The following FAM171A1 variants were observed in gnomAD, a reference collection of about 807,000 sequenced individuals.
The protein encoded by FAM171A1 is family with sequence similarity 171 member A1, also known as protein FAM171A1.
A neutral mutation model predicts 74.9 loss-of-function variants in FAM171A1; 23 were observed. That is an observed-to-expected ratio of 0.31 (90% confidence interval 0.22 to 0.44). FAM171A1 has a LOEUF of 0.44. Among genes scored for constraint, FAM171A1 ranks in the 20% least tolerant of loss-of-function variants. The pLI, the probability that FAM171A1 is intolerant of heterozygous loss-of-function variation, is 1.00. For synonymous variants in FAM171A1, 527 were observed against 505.7 expected (o/e 1.04, Z -0.57); for missense variants, 1,162 against 1,159.2 (o/e 1.00, Z -0.03).
chr10:15,365,629 G>C (rs1456213315), intron 1 of FAM171A1, among the ~76,000 whole-genome samples: 2 of 152,052 alleles, frequency 1.3e-5, no homozygotes, highest in Non-Finnish European at 2.9e-5. Context: ...AATTAGCCAG[G>C]TGTGGTAGCA....
intron 1 of FAM171A1, among the ~76,000 whole-genome samples, chr10:15,366,697 T>C (rs1187141478): frequency 1.3e-5 from 2 of 152,362 alleles, no homozygotes; most frequent in East Asian, 1.9e-4. Flanking sequence ...ATATGCTTTA[T>C]TCAATTTTTT....
chr10:15,280,070 G>C (rs1834947326), intron 2 of FAM171A1, among the ~76,000 whole-genome samples: 1 of 152,124 alleles, frequency 6.6e-6, no homozygotes, highest in South Asian at 2.1e-4. Flanking sequence ...CTGGGTGACA[G>C]AGTGAGACTT....
At chr10:15,325,317 A>C (rs1835542313) in intron 1 of FAM171A1, among the ~76,000 whole-genome samples, 1 of 152,118 alleles carries the variant, frequency 6.6e-6, no homozygotes, top group Non-Finnish European at 1.5e-5. Context: ...AGATCAGCCT[A>C]GGCAACAAGG....
intron 1 of FAM171A1, among the ~76,000 whole-genome samples, chr10:15,284,936 A>T (rs1164240174): frequency 2.6e-5 from 4 of 152,166 alleles, no homozygotes; most frequent in Non-Finnish European, 5.9e-5. Context: ...AAAGAATAAA[A>T]AAAAAAAAAA....
intron 1 of FAM171A1, among the ~76,000 whole-genome samples, chr10:15,305,687 A>AAAC (rs1835285475): frequency 6.6e-6 from 1 of 151,364 alleles, no homozygotes; most frequent in Admixed American, 6.6e-5. Flanking sequence ...AAAAAAAAAA[A>AAAC]AGATCAGAAG....
intron 1 of FAM171A1, among the ~76,000 whole-genome samples, chr10:15,309,612 T>A (rs1401854848): frequency 6.6e-6 from 1 of 152,264 alleles, no homozygotes; most frequent in Non-Finnish European, 1.5e-5. Flanking sequence ...ACCACAGCAT[T>A]CAAAGTCTTG....
intron 4 of FAM171A1, among the ~76,000 whole-genome samples, chr10:15,252,322 C>A (rs1034333361): frequency 1.3e-5 from 2 of 152,182 alleles, no homozygotes; most frequent in Non-Finnish European, 2.9e-5. Flanking sequence ...AACAGCCTTT[C>A]GGAGCCCTTT....
chr10:15,373,112 T>C (rs140645354), upstream of FAM171A1, among the ~76,000 whole-genome samples: 427 of 152,322 alleles, frequency 2.8e-3, 1 homozygote, highest in African/African-American at 9.7e-3. Context: ...GACAAATGAC[T>C]GTGAGACATG....
chr10:15,370,786 C>T (rs1247328886), intron 1 of FAM171A1, among the ~76,000 whole-genome samples, 170 bp downstream of exon 1: 1 of 147,870 alleles, frequency 6.8e-6, no homozygotes, highest in Non-Finnish European at 1.5e-5. Flanking sequence ...GCCCGCGCCG[C>T]CCCCTCGGGA....
intron 1 of FAM171A1, among the ~76,000 whole-genome samples, chr10:15,287,541 C>T (rs1348722834): frequency 1.3e-5 from 2 of 152,030 alleles, no homozygotes; most frequent in African/African-American, 4.8e-5. Context: ...GCGCCTGCCA[C>T]CACGCCCACC....
chr10:15,374,186 T>C (rs1308598305), upstream of FAM171A1, among the ~76,000 whole-genome samples: 2 of 152,218 alleles, frequency 1.3e-5, no homozygotes, highest in African/African-American at 4.8e-5. Context: ...TGTACCCTCA[T>C]AGCAACACTG....
chr10:15,342,324 C>A (rs1835773604), intron 1 of FAM171A1, among the ~76,000 whole-genome samples: 1 of 152,166 alleles, frequency 6.6e-6, no homozygotes, highest in Non-Finnish European at 1.5e-5. Flanking sequence ...AATCCCAGCA[C>A]TTTGGGAAGC....
intron 1 of FAM171A1, among the ~76,000 whole-genome samples, chr10:15,333,858 TA>T (rs71390032): frequency 0.072 from 10,752 of 148,958 alleles, 487 homozygotes; most frequent in Non-Finnish European, 0.11. Context: ...AAAAGAATAC[TA>T]AAAAAAAAAA....
intron 5 of FAM171A1, among the ~76,000 whole-genome samples, chr10:15,226,895 G>C (rs1490126773): frequency 6.6e-6 from 1 of 151,928 alleles, no homozygotes; most frequent in Non-Finnish European, 1.5e-5. Context: ...TTCCCACCTG[G>C]AGCTGTATGC....
Position 15,213,577 on chromosome 10 carries a change from C to G in FAM171A1, c.2011G>C (p.Ala671Pro). The G allele has an allele frequency of 6.2e-7, 1 of 1,614,176 alleles. No individual in the cohort carries two copies. Among genetic ancestry groups the G allele is most frequent in the Non-Finnish European group, 8.5e-7 (1 of 1,180,042 alleles). ...GCCAAAGCCGCGTCGTTCAGGGAAG[C>G]TGGGATGGAGAGAGACTCCGACATG... ...ASMSESLSIP[A>P]SLNDAALAQM... Residue 671 changes from alanine to proline, a missense_variant, in exon 8 of 8, where the codon GCT (alanine) becomes CCT (proline). Physicochemically the swap from Ala to Pro is conservative, Grantham distance 27. Transcript: ENST00000378116. This position sits in a 1 kb window ranked among gnomAD's most constrained non-coding sequence, Gnocchi z 6.8.
chr10:15,301,746 G>T (rs1835232461), intron 1 of FAM171A1, among the ~76,000 whole-genome samples: 1 of 152,162 alleles, frequency 6.6e-6, no homozygotes, highest in African/African-American at 2.4e-5. Context: ...TACTACTGCT[G>T]CTCTGAGTAA....
intron 1 of FAM171A1, among the ~76,000 whole-genome samples, chr10:15,311,509 A>G (rs17156548): frequency 0.014 from 2,125 of 152,282 alleles, 33 homozygotes; most frequent in Middle Eastern, 0.044. Context: ...AACAGATTGC[A>G]TTGCTCTCCT....
chr10:15,329,087 C>T lies in FAM171A1; in HGVS notation c.97+41869G>A, dbSNP rs142673479. 6.6e-3 allele frequency among the ~76,000 whole-genome samples: 1,001 copies of T among 152,226 alleles called. 6 individuals carry two copies. The highest frequency in any genetic ancestry group is 0.011 in the Non-Finnish European group (781 of 68,010). ...ACGGTGACAGGTGGGAGGACGCCCT[C>T]AGATGTGGTGATGTCGGGAAGAAGG... On this transcript the variant is annotated intron_variant, in intron 1 of 7. Transcript: ENST00000378116.
At chr10:15,348,570 C>T (rs1408281116) in intron 1 of FAM171A1, among the ~76,000 whole-genome samples, 1 of 152,238 alleles carries the variant, frequency 6.6e-6, no homozygotes, top group Non-Finnish European at 1.5e-5. Context: ...GGCGTCCTGG[C>T]TCTGCCCCTC....
Sources: allele counts gnomAD v4.1 joint callset (sites outside exome capture counted in the v4.1 genomes callset), GRCh38; gene constraint gnomAD v4.1.1; non-coding constraint Gnocchi (gnomAD v3.1); transcripts MANE v1.5; gene names NCBI Gene and HGNC (gene_info 2026-07-23, HGNC 2026-07-21).